Variants in PTPRD observed in about 807,000 individuals in gnomAD.
PTPRD encodes the protein receptor-type tyrosine-protein phosphatase delta.
PTPRD carries 34 observed loss-of-function variants against 214.5 expected under a neutral mutation model. That is an observed-to-expected ratio of 0.16 (90% CI 0.12 to 0.21). PTPRD has a LOEUF of 0.21. Ranked by LOEUF, PTPRD falls within the 10% of genes least tolerant of loss-of-function variation. PTPRD has a pLI of 1.00. For missense variants in PTPRD, 2,545 were observed against 2,398.7 expected (o/e 1.06, Z -1.27); for synonymous variants, 1,128 against 845.7 (o/e 1.33, Z -5.79).
intron 8 of PTPRD, among the ~76,000 whole-genome samples, chr9:9,480,429 A>G (rs796166380): frequency 3.3e-5 from 5 of 152,330 alleles, no homozygotes; most frequent in African/African-American, 1.2e-4. Flanking sequence ...ATTTTCTTCC[A>G]GATCTCAAAA....
intron 5 of PTPRD, among the ~76,000 whole-genome samples, chr9:9,826,145 T>C (rs183538627): frequency 4.0e-4 from 61 of 151,962 alleles, no homozygotes; most frequent in African/African-American, 1.4e-3. Flanking sequence ...TTGTCTTTAA[T>C]AGTTTTTACG....
chr9:9,256,471 T>G (rs1215701996), intron 9 of PTPRD, among the ~76,000 whole-genome samples: 1 of 151,838 alleles, frequency 6.6e-6, no homozygotes, highest in Non-Finnish European at 1.5e-5. Context: ...TGTTCTTGCC[T>G]AAAAGATTTA....
intron 34 of PTPRD, among the ~76,000 whole-genome samples, chr9:8,447,188 A>G (rs920262503): frequency 2.6e-5 from 4 of 152,162 alleles, no homozygotes; most frequent in African/African-American, 9.7e-5. Context: ...CTCCTTTTCT[A>G]GTCTCCTCCT....
rs1437904772 is a variant in PTPRD at position 8,764,015 on chromosome 9, TC to T, written c.-103-30070del. ...CATTAAAAATTATTGAGGGATTGTT[TC>T]TTAATAATGAAATGCAAATATTATA... On this transcript the variant is annotated intron_variant, in intron 11 of 45. Coordinates refer to ENST00000381196, the MANE Select transcript of PTPRD (RefSeq NM_002839.4). Among the ~76,000 whole-genome samples, 3 of 152,350 alleles carry T rather than the reference TC, an allele frequency of 2.0e-5. No homozygotes were observed. The East Asian group carries it at 5.8e-4, about 29-fold the overall frequency.
intron 14 of PTPRD, among the ~76,000 whole-genome samples, chr9:8,632,098 T>C (rs2096270761): frequency 1.3e-5 from 2 of 151,478 alleles, no homozygotes; most frequent in South Asian, 2.1e-4. Flanking sequence ...AATCTCATTT[T>C]CTCAGCCTCT....
intron 9 of PTPRD, among the ~76,000 whole-genome samples, chr9:9,286,876 ATATATATAT>A (rs1949581527): frequency 5.8e-4 from 5 of 8,630 alleles, no homozygotes; most frequent in Non-Finnish European, 6.8e-4. Context: ...ACTACTGAAT[ATATATATAT>A]ATATATATAT....
At chr9:9,461,775 A>C (rs2093679143) in intron 8 of PTPRD, among the ~76,000 whole-genome samples, 1 of 152,166 alleles carries the variant, frequency 6.6e-6, no homozygotes, top group Admixed American at 6.6e-5. Flanking sequence ...GAGTGAAGGC[A>C]TTTGGATGTT....
chr9:8,770,444 T>C (rs1338291962), intron 11 of PTPRD, among the ~76,000 whole-genome samples: 5 of 152,186 alleles, frequency 3.3e-5, no homozygotes, highest in African/African-American at 1.2e-4. Flanking sequence ...TCTATGAGCT[T>C]TGTCTATTTT....
chr9:9,924,906 C>G (rs2083740471), intron 5 of PTPRD, among the ~76,000 whole-genome samples: 1 of 152,106 alleles, frequency 6.6e-6, no homozygotes, highest in Non-Finnish European at 1.5e-5. Flanking sequence ...TTGCTTTCAA[C>G]TCCTAGCTAG....
chr9:9,101,758 C>T (rs1286448133), intron 10 of PTPRD, among the ~76,000 whole-genome samples: 2 of 152,122 alleles, frequency 1.3e-5, no homozygotes, highest in Non-Finnish European at 2.9e-5. Flanking sequence ...GATTAACCCA[C>T]ATGTATAGTA....
chr9:9,889,860 G>C (rs553915441), intron 5 of PTPRD, among the ~76,000 whole-genome samples: 1 of 151,908 alleles, frequency 6.6e-6, no homozygotes, highest in Admixed American at 6.6e-5. Context: ...GCAGGTTTCT[G>C]AAGGGTGCAC....
intron 8 of PTPRD, among the ~76,000 whole-genome samples, chr9:9,421,667 C>G (rs141971029): frequency 2.2e-4 from 33 of 152,138 alleles, no homozygotes; most frequent in African/African-American, 7.5e-4. Context: ...ATAATGAACA[C>G]TGAACTGGCC....
intron 3 of PTPRD, among the ~76,000 whole-genome samples, chr9:10,068,006 A>G (rs1673572401): frequency 6.6e-6 from 1 of 151,918 alleles, no homozygotes; most frequent in South Asian, 2.1e-4. Flanking sequence ...ATCACAATTT[A>G]AACTTTTCCT....
At chr9:10,229,771 G>A (rs2099602270) in intron 3 of PTPRD, among the ~76,000 whole-genome samples, 1 of 151,744 alleles carries the variant, frequency 6.6e-6, no homozygotes, top group African/African-American at 2.4e-5. Flanking sequence ...GTTAATGGGT[G>A]CAGCACACCA....
At chr9:8,745,496 A>G (rs1365019201) in intron 11 of PTPRD, among the ~76,000 whole-genome samples, 1 of 152,204 alleles carries the variant, frequency 6.6e-6, no homozygotes, top group African/African-American at 2.4e-5. Context: ...GAATGAAGGT[A>G]TTTGGCAGTC....
rs1254183389 is a variant in PTPRD, at chr9:10,466,402, C to T, written c.-599-125385G>A. On this transcript the variant is annotated intron_variant, in intron 2 of 45. Transcript: ENST00000381196. ...ACTTTGGGAGGCTGAGGCGGGAGGA[C>T]CACCTGAAGTCGGGAGTTCGAGACC... 2.0e-5 allele frequency among the ~76,000 whole-genome samples: 3 copies of T among 151,582 alleles called. No individual in the cohort carries two copies. In the East Asian group the frequency reaches 5.9e-4, roughly 30 times the overall value.
chr9:10,207,849 AAACAAC>A (rs1014414730), intron 3 of PTPRD, among the ~76,000 whole-genome samples: 1 of 151,980 alleles, frequency 6.6e-6, no homozygotes, highest in Non-Finnish European at 1.5e-5. Flanking sequence ...TATGGAAGCA[AAACAAC>A]AACAACAACA....
At chr9:8,640,234 G>A (rs2096543480) in intron 12 of PTPRD, among the ~76,000 whole-genome samples, 2 of 152,116 alleles carry the variant, frequency 1.3e-5, no homozygotes, top group African/African-American at 4.8e-5. Flanking sequence ...ACGCAGAGAA[G>A]TTTTTGTGTA....
At position 10,535,036 on chromosome 9, in the gene PTPRD, G is replaced by A. The variant is rs138158676; in HGVS notation, c.-600+77362C>T. ...TATGAGCTTTGCTGCTATAAACAAA[G>A]AGTTGTTTACAGCTGGGGGATGGCA... On this transcript the variant is annotated intron_variant, in intron 2 of 45. Transcript: ENST00000381196. 7.3e-3 allele frequency among the ~76,000 whole-genome samples: 1,113 copies of A among 152,276 alleles called. 7 individuals carry two copies. Among genetic ancestry groups the A allele is most frequent in the Non-Finnish European group, 0.01 (690 of 68,008 alleles).
Sources: allele counts gnomAD v4.1 joint callset (sites outside exome capture counted in the v4.1 genomes callset), GRCh38; gene constraint gnomAD v4.1.1; transcripts MANE v1.5; gene names NCBI Gene and HGNC (gene_info 2026-07-23, HGNC 2026-07-21).